EVA1C: variants seen among roughly 807,000 people sequenced by gnomAD.
EVA1C encodes eva-1 homolog C.
In EVA1C, 25 loss-of-function variants were observed where a neutral mutation model predicts 45.4. The observed-to-expected ratio is 0.55, with a 90% confidence interval of 0.40 to 0.77. EVA1C has a LOEUF of 0.77. Among genes scored for constraint, EVA1C ranks in the 30% least tolerant of loss-of-function variants. The pLI is 0.00. For missense variants in EVA1C, 479 were observed against 554.8 expected, an observed-to-expected ratio of 0.86 and a Z score of 1.37; for synonymous variants, 190 against 221.2, an observed-to-expected ratio of 0.86 and a Z score of 1.25.
chr21:32,460,739 G>A (rs2035966372), intron 3 of EVA1C, among the ~76,000 whole-genome samples: 1 of 148,114 alleles, frequency 6.8e-6, no homozygotes, highest in African/African-American at 2.5e-5. Flanking sequence ...TACTACGCAA[G>A]CAGCTCACAG....
chr21:32,457,230 TC>T, intron 2 of EVA1C, among the ~76,000 whole-genome samples: 1 of 152,178 alleles, frequency 6.6e-6, no homozygotes, highest in Non-Finnish European at 1.5e-5. Context: ...GGGACCCCGC[TC>T]GAAGGGGACC....
Position 32,477,597 on chromosome 21 carries a change from G to A in EVA1C, c.634+9749G>A, listed in dbSNP as rs144020160. Among the ~76,000 whole-genome samples, 113 of 151,998 alleles carry A rather than the reference G, an allele frequency of 7.4e-4. 1 individual carries two copies. Among genetic ancestry groups the A allele is most frequent in the African/African-American group, 2.6e-3 (109 of 41,412 alleles). ...TTGGTGCTGATTGTTGGTGGGAAAC[G>A]TGAGTTTCTCCCCACATGAGTCTCT... On this transcript the variant is annotated intron_variant, in intron 4 of 7. Coordinates refer to ENST00000300255, the MANE Select transcript of EVA1C (RefSeq NM_058187.5).
chr21:32,423,061 ACT>A (rs1449552991), intron 1 of EVA1C, among the ~76,000 whole-genome samples: 6 of 87,648 alleles, frequency 6.8e-5, no homozygotes, highest in African/African-American at 1.8e-4. Context: ...GCAGAGTGAG[ACT>A]CTGTCTCAAA....
chr21:32,472,196 T>C (rs557425508), intron 4 of EVA1C, among the ~76,000 whole-genome samples: 14 of 152,314 alleles, frequency 9.2e-5, no homozygotes, highest in African/African-American at 3.4e-4. Context: ...TCTCGCTCTG[T>C]CGCCCACGCT....
At chr21:32,444,053 A>AC (rs2035274908) in intron 1 of EVA1C, among the ~76,000 whole-genome samples, 1 of 139,938 alleles carries the variant, frequency 7.1e-6, no homozygotes, top group Non-Finnish European at 1.6e-5. Context: ...ATTGTGTGAA[A>AC]ACACACACAC....
At chr21:32,476,646 T>TAAG (rs1328396651) in intron 4 of EVA1C, among the ~76,000 whole-genome samples, 1 of 151,324 alleles carries the variant, frequency 6.6e-6, no homozygotes, top group Non-Finnish European at 1.5e-5. Flanking sequence ...CGTCTCAAAA[T>TAAG]AATAATAATA....
chr21:32,412,834 G>C lies in EVA1C; in HGVS notation c.-20G>C. On this transcript the variant is annotated 5_prime_UTR_variant, in exon 1 of 8. Transcript: ENST00000300255. ...CAGCGCGTCCCGGGCCTGCGCCTCC[G>C]CCCCGCCGCGCAGCGCACGATGCTT... is the stretch of plus-strand genomic sequence containing the variant. 1 of 1,410,820 alleles carries C rather than the reference G, an allele frequency of 7.1e-7. No individual in the cohort carries two copies. The highest frequency in any genetic ancestry group is 9.2e-7 in the Non-Finnish European group (1 of 1,090,356). 87.4% of individuals were successfully genotyped at this position (1,410,820 alleles called of 1,614,324 possible).
chr21:32,507,428 G>GT (rs2037759020), intron 7 of EVA1C, among the ~76,000 whole-genome samples: 1 of 151,332 alleles, frequency 6.6e-6, no homozygotes, highest in Admixed American at 6.6e-5. Context: ...ATGTGTGCAC[G>GT]TGTGTGTGCA....
chr21:32,449,051 AAAGAG>A (rs1387684805), intron 1 of EVA1C, among the ~76,000 whole-genome samples: 1 of 152,034 alleles, frequency 6.6e-6, no homozygotes, highest in Admixed American at 6.6e-5. Context: ...AAAAGGAAAG[AAAGAG>A]AAAAGAAAAG....
intron 5 of EVA1C, among the ~76,000 whole-genome samples, chr21:32,497,834 G>A (rs1308158186): frequency 6.6e-6 from 1 of 152,180 alleles, no homozygotes; most frequent in Admixed American, 6.5e-5. Context: ...GAGTTGTGCA[G>A]AGAAATTCTC....
At chr21:32,415,730 G>A (rs779864848) in intron 1 of EVA1C, among the ~76,000 whole-genome samples, 18 of 152,124 alleles carry the variant, frequency 1.2e-4, no homozygotes, top group South Asian at 2.1e-4. Flanking sequence ...CCCAAACACC[G>A]CCTTCTCTCT....
chr21:32,492,103 G>A (rs2037179390), intron 4 of EVA1C, among the ~76,000 whole-genome samples: 2 of 152,170 alleles, frequency 1.3e-5, no homozygotes. Flanking sequence ...ACCAGGCACA[G>A]GAATGAGCTT....
Position 32,468,936 on chromosome 21 carries a change from C to A in EVA1C, c.634+1088C>A, listed in dbSNP as rs577147795. On this transcript the variant is annotated intron_variant, in intron 4 of 7. Transcript: ENST00000300255. ...CCGTCTGAGTGGATTAGGGCCCTGG[C>A]TCCCCAAGAAAGGAAGCTATGCCAG... Among the ~76,000 whole-genome samples the A allele has an allele frequency of 2.2e-4, 33 of 152,288 alleles. No individual in the cohort carries two copies. The South Asian group carries it at 6.6e-3, about 31-fold the overall frequency.
chr21:32,473,257 T>C (rs1814995501), intron 4 of EVA1C, among the ~76,000 whole-genome samples: 1 of 152,240 alleles, frequency 6.6e-6, no homozygotes, highest in Non-Finnish European at 1.5e-5. Context: ...ACAACACCTG[T>C]GTGTGTTCAG....
intron 1 of EVA1C, among the ~76,000 whole-genome samples, chr21:32,450,884 G>A (rs888629173): frequency 2.0e-5 from 3 of 152,156 alleles, no homozygotes; most frequent in African/African-American, 4.8e-5. Context: ...GCCAATGTCC[G>A]TTTTGCCACT....
In EVA1C at chr21:32,514,914, C is replaced by A. The variant is rs781735727; in HGVS notation, c.1050C>A (p.Asp350Glu). The change falls in exon 8 of 8, where the codon GAC becomes GAA. Residue 350 changes from aspartate (D) to glutamate (E), a missense_variant. Physicochemically the swap from Asp to Glu is conservative, Grantham distance 45. Coordinates refer to ENST00000300255, the MANE Select transcript of EVA1C (RefSeq NM_058187.5). ...TCATCAGAGAGTCCTGTGCCAAGGA[C>A]TTCCGCGACTTGCAGCTGGGGAGGG... ...ALVIRESCAK[D>E]FRDLQLGREQ... 6.2e-7 allele frequency: 1 copy of A among 1,614,090 alleles called. No homozygotes were observed. Among genetic ancestry groups the A allele is most frequent in the Non-Finnish European group, 8.5e-7 (1 of 1,180,032 alleles).
At chr21:32,486,535 A>G (rs529094619) in intron 4 of EVA1C, among the ~76,000 whole-genome samples, 15 of 152,306 alleles carry the variant, frequency 9.8e-5, no homozygotes, top group Middle Eastern at 6.8e-3. Context: ...AATGCCCACC[A>G]ATCTATATTT....
chr21:32,451,699 T>G (rs1175053237), intron 1 of EVA1C, among the ~76,000 whole-genome samples: 1 of 152,206 alleles, frequency 6.6e-6, no homozygotes, highest in Non-Finnish European at 1.5e-5. Context: ...CTTTTCCAGC[T>G]TTGGGTGGTG....
In EVA1C at chr21:32,438,454, T is replaced by C. The variant is rs547021828; in HGVS notation, c.161-14858T>C. On this transcript the variant is annotated intron_variant, in intron 1 of 7. Coordinates refer to ENST00000300255, the MANE Select transcript of EVA1C (RefSeq NM_058187.5). The stretch of plus-strand genomic sequence containing the variant: ...AGAGGTTGCAATCATGCCACTGCAC[T>C]CCAGCCTGGGTGACAGAGTGAGACT... 2.3e-3 allele frequency among the ~76,000 whole-genome samples: 264 copies of C among 116,050 alleles called. 1 individual carries two copies. The highest frequency in any genetic ancestry group is 8.3e-3 in the African/African-American group (245 of 29,392). The allele number at this position is 116,050 out of a possible 152,430, so 76.1% of individuals were successfully genotyped here. A position where few individuals can be genotyped will look rare whatever the true frequency, so the allele number is the denominator to read the frequency against.
Sources: allele counts gnomAD v4.1 joint callset (sites outside exome capture counted in the v4.1 genomes callset), GRCh38; gene constraint gnomAD v4.1.1; transcripts MANE v1.5; gene names NCBI Gene and HGNC (gene_info 2026-07-23, HGNC 2026-07-21).